The following ACTR3C variants were observed in gnomAD, a reference collection of about 807,000 sequenced individuals.
ACTR3C encodes the protein actin related protein 3C.
A neutral mutation model predicts 26.3 loss-of-function variants in ACTR3C; 18 were observed. The ratio of observed to expected loss-of-function variants is 0.68; its 90% CI spans 0.47 to 1.01. The LOEUF (loss-of-function observed/expected upper bound fraction) is 1.01. Ranked by LOEUF, ACTR3C falls within the 50% of genes least tolerant of loss-of-function variation. The probability of loss-of-function intolerance (pLI) is 0.00; values close to 1 mark genes in which losing one functional copy is unlikely to be tolerated. For synonymous variants in ACTR3C, 55 were observed against 94.5 expected, an observed-to-expected ratio of 0.58 and a Z score of 2.42; for missense variants, 184 against 250.7, an observed-to-expected ratio of 0.73 and a Z score of 1.80.
downstream of ACTR3C, among the ~76,000 whole-genome samples, chr7:150,242,028 C>T (rs1258779215): frequency 6.6e-6 from 1 of 151,980 alleles, no homozygotes; most frequent in Non-Finnish European, 1.5e-5. Flanking sequence ...CCAGCCTGAC[C>T]AACATGGTGA....
intron 6 of ACTR3C, among the ~76,000 whole-genome samples, chr7:150,266,222 G>T (rs1394922041): frequency 6.9e-6 from 1 of 145,498 alleles, no homozygotes; most frequent in Admixed American, 6.7e-5. Context: ...TCCTTCAAAG[G>T]CATTATATAA....
chr7:150,087,829 T>G, the ACTR3C span, among the ~76,000 whole-genome samples: 250 of 152,308 alleles, frequency 1.6e-3, no homozygotes, highest in African/African-American at 5.7e-3. Context: ...AGATCCATAA[T>G]GTGCTACATT....
chr7:150,217,069 C>T, the ACTR3C span, among the ~76,000 whole-genome samples: 2 of 147,044 alleles, frequency 1.4e-5, no homozygotes, highest in African/African-American at 5.4e-5. Flanking sequence ...AGTGAAGTCG[C>T]CTTGTCCTCC....
the ACTR3C span, among the ~76,000 whole-genome samples, chr7:150,138,808 G>A: frequency 8.3e-3 from 1,267 of 152,172 alleles, no homozygotes; most frequent in African/African-American, 0.029. Flanking sequence ...CCCATCGCTC[G>A]CATTACTGCC....
At chr7:149,947,957 A>C in the ACTR3C span, among the ~76,000 whole-genome samples, 62 of 150,238 alleles carry the variant, frequency 4.1e-4, no homozygotes, top group African/African-American at 1.5e-3. Flanking sequence ...ATACACACGT[A>C]AGCACACAGA....
chr7:150,071,224 T>C, the ACTR3C span, among the ~76,000 whole-genome samples: 4 of 151,622 alleles, frequency 2.6e-5, no homozygotes, highest in African/African-American at 4.8e-5. Flanking sequence ...CCCGGGTTCA[T>C]GCCATTCTCC....
rs1306268869 is a variant in ACTR3C, at chr7:150,274,322, G to C, written c.564+10431C>G. On this transcript the variant is annotated intron_variant, in intron 6 of 7. Transcript: ENST00000683684. This position sits in a 1 kb window ranked among gnomAD's most constrained non-coding sequence, Gnocchi z 4.1. ...TTTCCCAAAAGCACACGCTCACTTC[G>C]TGTCTCTGTATCAGCATATTTTAGC... 2.0e-5 allele frequency among the ~76,000 whole-genome samples: 3 copies of C among 152,146 alleles called. No homozygotes were observed. Among genetic ancestry groups the C allele is most frequent in the African/African-American group, 7.2e-5 (3 of 41,422 alleles).
At chr7:150,249,664 AG>A (rs1259024375) in intron 6 of ACTR3C, among the ~76,000 whole-genome samples, 3 of 152,190 alleles carry the variant, frequency 2.0e-5, no homozygotes, top group African/African-American at 7.2e-5. Context: ...CATGTTGGCC[AG>A]GCTCGTCTCG....
chr7:149,978,915 G>A, the ACTR3C span, among the ~76,000 whole-genome samples: 1 of 152,018 alleles, frequency 6.6e-6, no homozygotes, highest in Non-Finnish European at 1.5e-5. Context: ...CGGGAGATCT[G>A]TGTTAACTTT....
At chr7:150,033,828 G>A in the ACTR3C span, among the ~76,000 whole-genome samples, 6 of 150,912 alleles carry the variant, frequency 4.0e-5, no homozygotes, top group Admixed American at 3.3e-4. Context: ...CTCAGTCCCT[G>A]CCTCGTGGGG....
intron 6 of ACTR3C, among the ~76,000 whole-genome samples, chr7:150,265,404 GT>G (rs1833956020): frequency 6.7e-6 from 1 of 148,980 alleles, no homozygotes; most frequent in African/African-American, 2.5e-5. Flanking sequence ...AAAAAAAAAA[GT>G]TTTTTAGGTC....
At chr7:150,120,676 C>A in the ACTR3C span, among the ~76,000 whole-genome samples, 1 of 152,132 alleles carries the variant, frequency 6.6e-6, no homozygotes, top group Admixed American at 6.5e-5. Flanking sequence ...GAGCTGGTAC[C>A]ATTCCTTCTA....
At chr7:150,280,213 GACCC>G (rs1338550240) in intron 6 of ACTR3C, among the ~76,000 whole-genome samples, 2 of 151,974 alleles carry the variant, frequency 1.3e-5, no homozygotes, top group Non-Finnish European at 2.9e-5. Flanking sequence ...CCCAGGGTGG[GACCC>G]AGACTCCGGT....
chr7:150,099,483 A>G, the ACTR3C span, among the ~76,000 whole-genome samples: 1 of 150,916 alleles, frequency 6.6e-6, no homozygotes, highest in Non-Finnish European at 1.5e-5. Flanking sequence ...GACGGAGAGG[A>G]GCCTCTAAAA....
At chr7:150,287,238 T>C (rs1835853787) in intron 4 of ACTR3C, among the ~76,000 whole-genome samples, 1 of 151,786 alleles carries the variant, frequency 6.6e-6, no homozygotes, top group Non-Finnish European at 1.5e-5. Context: ...GATTACACTC[T>C]AGCTGGGAGT....
chr7:150,175,379 T>C, the ACTR3C span, among the ~76,000 whole-genome samples: 1 of 142,988 alleles, frequency 7.0e-6, no homozygotes, highest in Middle Eastern at 3.5e-3. Flanking sequence ...ACAAATAATG[T>C]CTACACAGAA....
chr7:150,295,964 G>A (rs1836713119), intron 1 of ACTR3C, among the ~76,000 whole-genome samples: 1 of 118,838 alleles, frequency 8.4e-6, no homozygotes, highest in Non-Finnish European at 1.6e-5. Flanking sequence ...AGACGAGTAA[G>A]GGGCACAAAG....
the ACTR3C span, among the ~76,000 whole-genome samples, chr7:150,126,934 T>C: frequency 5.3e-5 from 8 of 152,154 alleles, no homozygotes; most frequent in Admixed American, 5.2e-4. Context: ...AAACCAGATG[T>C]AGATTAAGAC....
intron 1 of ACTR3C, among the ~76,000 whole-genome samples, chr7:150,309,178 C>A (rs1262527618): frequency 2.0e-5 from 3 of 152,020 alleles, no homozygotes; most frequent in Admixed American, 2.0e-4. Context: ...TGGTCTCTTG[C>A]CTAGTTGAAG....
Sources: allele counts gnomAD v4.1 joint callset (sites outside exome capture counted in the v4.1 genomes callset), GRCh38; gene constraint gnomAD v4.1.1; non-coding constraint Gnocchi (gnomAD v3.1); transcripts MANE v1.5; gene names NCBI Gene and HGNC (gene_info 2026-07-23, HGNC 2026-07-21).